CSMD1: variants seen among roughly 807,000 people sequenced by gnomAD.
CSMD1 encodes the protein CUB and sushi domain-containing protein 1.
Under a neutral mutation model 417.5 loss-of-function variants are expected in CSMD1, and 213 were observed. That is an observed-to-expected ratio of 0.51 (90% CI 0.46 to 0.57). The LOEUF is 0.57. Among genes scored for constraint, CSMD1 ranks in the 20% least tolerant of loss-of-function variants. The probability of loss-of-function intolerance (pLI) is 0.00; values close to 1 mark genes in which losing one functional copy is unlikely to be tolerated. For synonymous variants in CSMD1, 2,862 were observed against 1,736.8 expected (o/e 1.65, Z -16.11); for missense variants, 6,923 against 4,529.7 (o/e 1.53, Z -15.17).
chr8:3,827,284 G>A (rs1038301304), intron 5 of CSMD1, among the ~76,000 whole-genome samples: 2 of 152,086 alleles, frequency 1.3e-5, no homozygotes, highest in African/African-American at 2.4e-5. Flanking sequence ...TGTTACATTT[G>A]AACCACATGT....
At position 4,385,396 on chromosome 8, in the gene CSMD1, G is replaced by T. The variant is rs534970086; in HGVS notation, c.415+34557C>A. ...CCAGCCTTAACATTTGTTCTGAAGG[G>T]CAAATGCATGCACTTGCTACAGCAC... On this transcript the variant is annotated intron_variant, in intron 3 of 69. Coordinates refer to ENST00000635120, the MANE Select transcript of CSMD1 (RefSeq NM_033225.6). Among the ~76,000 whole-genome samples, 4 of 152,264 alleles carry T rather than the reference G, an allele frequency of 2.6e-5. No homozygotes were observed. The East Asian group carries it at 7.7e-4, about 29-fold the overall frequency.
At chr8:3,516,086 A>T (rs1448152653) in intron 10 of CSMD1, among the ~76,000 whole-genome samples, 1 of 152,218 alleles carries the variant, frequency 6.6e-6, no homozygotes, top group Non-Finnish European at 1.5e-5. Context: ...GAGCTCAGAC[A>T]GCCTGGTTAC....
intron 7 of CSMD1, among the ~76,000 whole-genome samples, chr8:3,661,243 A>C (rs768118165): frequency 1.3e-5 from 2 of 152,210 alleles, no homozygotes; most frequent in Non-Finnish European, 2.9e-5. Context: ...ACAAGAGCTC[A>C]GCCTTGGCCA....
At chr8:3,353,024 G>A (rs1286312564) in intron 21 of CSMD1, among the ~76,000 whole-genome samples, 6 of 152,158 alleles carry the variant, frequency 3.9e-5, no homozygotes, top group Non-Finnish European at 8.8e-5. Context: ...GTGTGAGAGG[G>A]AAACTATGAT....
In CSMD1 at chr8:3,664,552, C is replaced by T. The variant is rs148440766; in HGVS notation, c.1009+43862G>A. ...TGGTGGGTCAAGAGCGTGAGTGTTT[C>T]CTCATGAGAGAAAAGCAAAGAGACT... On this transcript the variant is annotated intron_variant, in intron 7 of 69. Transcript: ENST00000635120. Among the ~76,000 whole-genome samples the T allele has an allele frequency of 8.5e-5, 13 of 152,308 alleles. No individual in the cohort carries two copies. In the South Asian group the frequency reaches 2.3e-3, roughly 27 times the overall value.
chr8:4,279,615 T>A (rs1205065514), intron 3 of CSMD1, among the ~76,000 whole-genome samples: 5 of 152,304 alleles, frequency 3.3e-5, no homozygotes, highest in Middle Eastern at 6.8e-3. Context: ...AATGAAAGGA[T>A]AAATGCTTAA....
chr8:3,099,019 C>T (rs145115614), intron 46 of CSMD1, among the ~76,000 whole-genome samples: 16 of 151,948 alleles, frequency 1.1e-4, no homozygotes, highest in African/African-American at 2.7e-4. Context: ...TCGGTACTGC[C>T]GACACTCCCC....
chr8:4,326,826 C>T (rs138990829), intron 3 of CSMD1, among the ~76,000 whole-genome samples: 84 of 147,020 alleles, frequency 5.7e-4, no homozygotes, highest in African/African-American at 2.0e-3. Flanking sequence ...CTTTGAGATT[C>T]TTCTGAAAAA....
intron 7 of CSMD1, among the ~76,000 whole-genome samples, chr8:3,686,216 AC>A (rs778089565): frequency 3.1e-4 from 47 of 152,210 alleles, no homozygotes; most frequent in Non-Finnish European, 5.7e-4. Flanking sequence ...AGTGTGGGTC[AC>A]CCCCTTGAGT....
intron 5 of CSMD1, among the ~76,000 whole-genome samples, chr8:3,970,223 G>C (rs895504407): frequency 6.6e-6 from 1 of 152,140 alleles, no homozygotes; most frequent in African/African-American, 2.4e-5. Context: ...TGCATGCCCA[G>C]AAGCACCTCC....
chr8:3,873,688 C>G (rs1805631155), intron 5 of CSMD1, among the ~76,000 whole-genome samples: 1 of 152,002 alleles, frequency 6.6e-6, no homozygotes, highest in Admixed American at 6.6e-5. Context: ...TATCCCTGAA[C>G]TTAAAATAAA....
chr8:3,280,263 A>G (rs746740580), intron 26 of CSMD1, among the ~76,000 whole-genome samples: 8 of 152,226 alleles, frequency 5.3e-5, no homozygotes, highest in Non-Finnish European at 7.3e-5. Flanking sequence ...CCAGCGTGGA[A>G]TTATGGAAGA....
intron 8 of CSMD1, among the ~76,000 whole-genome samples, chr8:3,595,407 C>A (rs767223968): frequency 5.3e-5 from 8 of 152,118 alleles, no homozygotes; most frequent in Non-Finnish European, 1.0e-4. Flanking sequence ...TTTTTCTTTT[C>A]ATAGCGGCAA....
intron 2 of CSMD1, among the ~76,000 whole-genome samples, chr8:4,452,767 A>T (rs932951724): frequency 3.3e-5 from 5 of 152,154 alleles, no homozygotes; most frequent in Admixed American, 6.5e-5. Flanking sequence ...TCATCCAATA[A>T]CACAAATCCA....
chr8:3,819,898 T>C (rs1211301343), intron 5 of CSMD1, among the ~76,000 whole-genome samples: 3 of 152,148 alleles, frequency 2.0e-5, no homozygotes, highest in East Asian at 1.9e-4. Flanking sequence ...CAGAGTGCTA[T>C]AATAGAGGCA....
chr8:3,988,742 G>A (rs924580621), intron 5 of CSMD1, among the ~76,000 whole-genome samples: 6 of 152,096 alleles, frequency 3.9e-5, no homozygotes, highest in African/African-American at 7.2e-5. Flanking sequence ...CAAAGTTGAC[G>A]GACATATACA....
At chr8:3,599,085 A>T (rs1308048750) in intron 8 of CSMD1, among the ~76,000 whole-genome samples, 2 of 151,942 alleles carry the variant, frequency 1.3e-5, no homozygotes. Context: ...CGTCTCAAAA[A>T]AGAAAAGAAA....
intron 1 of CSMD1, among the ~76,000 whole-genome samples, chr8:4,843,778 T>C (rs149224257): frequency 9.8e-5 from 15 of 152,352 alleles, no homozygotes; most frequent in African/African-American, 2.6e-4. Flanking sequence ...CTGGAACGTA[T>C]CCGTTGAATG....
chr8:4,896,176 T>G (rs1052915715), intron 1 of CSMD1, among the ~76,000 whole-genome samples: 1 of 152,156 alleles, frequency 6.6e-6, no homozygotes, highest in Admixed American at 6.5e-5. Flanking sequence ...TTCCTTTGTC[T>G]TTCATATTCA....
Sources: allele counts gnomAD v4.1 joint callset (sites outside exome capture counted in the v4.1 genomes callset), GRCh38; gene constraint gnomAD v4.1.1; transcripts MANE v1.5; gene names NCBI Gene and HGNC (gene_info 2026-07-23, HGNC 2026-07-21).